Variants in POU2F3 observed in about 807,000 individuals in gnomAD.
The protein encoded by POU2F3 is POU class 2 homeobox 3.
A neutral mutation model predicts 59.2 loss-of-function variants in POU2F3; 23 were observed. The observed-to-expected ratio is 0.39, with a 90% CI of 0.28 to 0.55. The LOEUF (loss-of-function observed/expected upper bound fraction) is 0.55, where lower values mean the gene tolerates loss of function less well. Among genes scored for constraint, POU2F3 ranks in the 20% least tolerant of loss-of-function variants. The pLI, the probability that POU2F3 is intolerant of heterozygous loss-of-function variation, is 0.66. For missense variants in POU2F3, 473 were observed against 544.5 expected (o/e 0.87, Z 1.31); for synonymous variants, 190 against 214.6 (o/e 0.89, Z 1.00).
intron 3 of POU2F3, among the ~76,000 whole-genome samples, chr11:120,284,219 G>A (rs1049300870): frequency 1.3e-5 from 2 of 152,088 alleles, no homozygotes; most frequent in African/African-American, 4.8e-5. Flanking sequence ...ATAAATGCAC[G>A]GTTGGATTAT....
chr11:120,239,732 T>C (rs2135110241), upstream of POU2F3, among the ~76,000 whole-genome samples: 1 of 152,352 alleles, frequency 6.6e-6, no homozygotes, highest in Non-Finnish European at 1.5e-5. Flanking sequence ...CCAGCCACAC[T>C]GCTGGTAAGC....
intron 3 of POU2F3, among the ~76,000 whole-genome samples, chr11:120,295,034 C>G (rs538745851): frequency 6.6e-6 from 1 of 152,262 alleles, no homozygotes; most frequent in Non-Finnish European, 1.5e-5. Context: ...AGAAAGCCCC[C>G]AAACTTACAC....
upstream of POU2F3, among the ~76,000 whole-genome samples, chr11:120,237,820 GA>G (rs1250213147): frequency 6.6e-6 from 1 of 152,152 alleles, no homozygotes; most frequent in Non-Finnish European, 1.5e-5. Context: ...GAAAAGGCCA[GA>G]AGGGGATGGG....
intron 3 of POU2F3, among the ~76,000 whole-genome samples, chr11:120,286,656 C>G (rs955491954): frequency 7.2e-5 from 11 of 152,152 alleles, no homozygotes; most frequent in Non-Finnish European, 1.5e-5. Context: ...GTCACACTGT[C>G]AACTTATACG....
chr11:120,257,815 G>C (rs1265261006), intron 2 of POU2F3, among the ~76,000 whole-genome samples: 2 of 152,110 alleles, frequency 1.3e-5, no homozygotes, highest in Non-Finnish European at 2.9e-5. Flanking sequence ...CAAAACGAAG[G>C]AACAACTGCA....
intron 3 of POU2F3, 108 bp from the exon 4 acceptor site, chr11:120,298,157 C>G: frequency 7.3e-7 from 1 of 1,367,584 alleles, no homozygotes; most frequent in South Asian, 1.4e-5. Flanking sequence ...CTAGCTCTCT[C>G]CTCTCTAGGC....
chr11:120,305,225 G>C lies in POU2F3; in HGVS notation c.627+13G>C, dbSNP rs750905143. On this transcript the variant is annotated intron_variant, in intron 7 of 12. Transcript: ENST00000543440. ...GGGCTTCACACAGGTTTGGTTTTAG[G>C]GGAAAAGATAGAAGAAGTCTAGCCG... is the stretch of plus-strand genomic sequence containing the variant. 1 of 1,610,260 alleles carries C rather than the reference G, an allele frequency of 6.2e-7. No homozygotes were observed. Among genetic ancestry groups the C allele is most frequent in the Non-Finnish European group, 8.5e-7 (1 of 1,177,982 alleles).
upstream of POU2F3, among the ~76,000 whole-genome samples, chr11:120,239,930 C>A (rs1190498341): frequency 1.3e-5 from 2 of 152,224 alleles, no homozygotes; most frequent in Non-Finnish European, 2.9e-5. Context: ...CCACTCCGGG[C>A]GCGGTGAGGA....
chr11:120,306,842 C>A (rs1941506578), intron 8 of POU2F3, among the ~76,000 whole-genome samples: 1 of 152,182 alleles, frequency 6.6e-6, no homozygotes. Context: ...TTTATGGAAG[C>A]ACTGAAATGA....
At chr11:120,298,190 A>T in intron 3 of POU2F3, 75 bp from the exon 4 acceptor site, 1 of 1,506,888 alleles carries the variant, frequency 6.6e-7, no homozygotes, top group South Asian at 1.3e-5. Flanking sequence ...TCCTGCCTGG[A>T]TCTTCCTGCC....
intron 2 of POU2F3, among the ~76,000 whole-genome samples, chr11:120,264,190 T>TACACACACACACACACAC (rs35186745): frequency 3.8e-5 from 5 of 133,040 alleles, no homozygotes; most frequent in African/African-American, 1.4e-4. Flanking sequence ...TAAGACCTCA[T>TACACACACACACACACAC]ACACACACAC....
At position 120,318,563 on chromosome 11, in the gene POU2F3, C is replaced by G; in HGVS notation, c.*171C>G. Reference sequence around the variant, plus strand: ...GAGCAAGGGCCTCCGGAGATCCAAACTGTGATTGAACCAAGTGCAGACTCC... The same window carrying G: ...GAGCAAGGGCCTCCGGAGATCCAAAGTGTGATTGAACCAAGTGCAGACTCC... On this transcript the variant is annotated 3_prime_UTR_variant, in exon 13 of 13. Transcript: ENST00000543440. 1.5e-6 allele frequency: 1 copy of G among 652,600 alleles called. No individual in the cohort carries two copies. Among genetic ancestry groups the G allele is most frequent in the Non-Finnish European group, 2.6e-6 (1 of 377,942 alleles). 40.4% of individuals were successfully genotyped at this position (652,600 alleles called of 1,614,324 possible). A position where few individuals can be genotyped will look rare whatever the true frequency, so the allele number is the denominator to read the frequency against.
upstream of POU2F3, among the ~76,000 whole-genome samples, chr11:120,240,026 C>A (rs552421273): frequency 8.7e-4 from 130 of 148,812 alleles, 2 homozygotes; most frequent in South Asian, 0.025. Flanking sequence ...CTCCCCAGGT[C>A]CCCAGCTCCA....
intron 10 of POU2F3, among the ~76,000 whole-genome samples, chr11:120,313,377 C>T (rs942662756): frequency 2.0e-5 from 3 of 152,212 alleles, no homozygotes; most frequent in African/African-American, 7.2e-5. Context: ...TTACCCTGCC[C>T]TCATGAAGTC....
At chr11:120,252,069 C>T (rs1453293172) in intron 2 of POU2F3, among the ~76,000 whole-genome samples, 1 of 151,944 alleles carries the variant, frequency 6.6e-6, no homozygotes, top group African/African-American at 2.4e-5. Flanking sequence ...GCTGGGATTA[C>T]AGGCGTGAGC....
In POU2F3 at chr11:120,298,277, G is replaced by T; in HGVS notation, c.145G>T (p.Asp49Tyr). The T allele has an allele frequency of 6.2e-7, 1 of 1,612,764 alleles. No homozygotes were observed. Among genetic ancestry groups the T allele is most frequent in the South Asian group, 1.1e-5 (1 of 90,940 alleles). ...LDFNRQIKTE[D>Y]LSDSLQQTLS... ...CTTCCACTTGCAGATTAAAACCGAA[G>T]ATCTCAGTGACTCCCTGCAGCAGAC... Residue 49 changes from aspartate to tyrosine, a missense_variant, in exon 4 of 13, where the codon GAT (aspartate) becomes TAT (tyrosine). Asp to Tyr is a radical substitution (Grantham distance 160). Coordinates refer to ENST00000543440, the MANE Select transcript of POU2F3 (RefSeq NM_014352.4).
chr11:120,314,626 G>T (rs1006601813), intron 10 of POU2F3, among the ~76,000 whole-genome samples: 3 of 152,222 alleles, frequency 2.0e-5, no homozygotes, highest in African/African-American at 7.2e-5. Flanking sequence ...ACAGATAGTG[G>T]TGGAGCTGTC....
intron 9 of POU2F3, among the ~76,000 whole-genome samples, chr11:120,308,861 C>T (rs778676413): frequency 7.4e-6 from 1 of 134,918 alleles, no homozygotes; most frequent in Non-Finnish European, 1.6e-5. Context: ...ATTGCTTGAA[C>T]CCGGGAGGCG....
chr11:120,319,804 G>A lies in POU2F3; in HGVS notation c.*1412G>A, dbSNP rs1672839030. On this transcript the variant is annotated 3_prime_UTR_variant, in exon 13 of 13. Coordinates refer to ENST00000543440, the MANE Select transcript of POU2F3 (RefSeq NM_014352.4). Reference sequence around the variant, plus strand: ...TTATCTCTAGAGTCTGCTTTTTTGTGGGCCAGTTTGTAGAGATGTAACATG... The same window carrying A: ...TTATCTCTAGAGTCTGCTTTTTTGTAGGCCAGTTTGTAGAGATGTAACATG... The A allele has an allele frequency of 6.6e-6, 1 of 151,802 alleles. No homozygotes were observed. Among genetic ancestry groups the A allele is most frequent in the Non-Finnish European group, 1.5e-5 (1 of 67,876 alleles). The allele number at this position is 151,802 out of a possible 1,614,324, so 9.4% of individuals were successfully genotyped here.
Sources: gnomAD v4.1 joint callset for allele counts (sites outside exome capture counted in the v4.1 genomes callset) on GRCh38, gnomAD v4.1.1 for gene constraint, MANE v1.5 for transcripts, NCBI Gene and HGNC (gene_info 2026-07-23, HGNC 2026-07-21) for gene names.